The following NRG3 variants were observed in gnomAD, a reference collection of about 807,000 sequenced individuals.
The protein encoded by NRG3 is pro-neuregulin-3, membrane-bound isoform.
NRG3 carries 31 observed loss-of-function variants against 66.9 expected under a neutral mutation model. The ratio of observed to expected loss-of-function variants is 0.46; its 90% CI spans 0.35 to 0.63. The LOEUF is 0.63. NRG3 is among the 20% of genes least tolerant of loss of function. The pLI, the probability that NRG3 is intolerant of heterozygous loss-of-function variation, is 0.00. For missense variants in NRG3, 910 were observed against 878.9 expected (o/e 1.04, Z -0.45); for synonymous variants, 393 against 359.4 (o/e 1.09, Z -1.06).
rs145348736 is a variant in NRG3 at position 82,445,037 on chromosome 10, C to T, written c.953+86169C>T. 4.5e-3 allele frequency among the ~76,000 whole-genome samples: 688 copies of T among 152,204 alleles called. 4 individuals carry two copies. The highest frequency in any genetic ancestry group is 0.016 in the African/African-American group (664 of 41,532). ...CCATGCTACAGAGACAGTTGAGATG[C>T]TAATTAATATCCTCTGTCTAACTCC... On this transcript the variant is annotated intron_variant, in intron 2 of 8. Coordinates refer to ENST00000372141, the MANE Select transcript of NRG3 (RefSeq NM_001010848.4).
chr10:82,985,062 GA>G (rs1853318123), intron 8 of NRG3, 35 bp from the exon 9 acceptor site: 2 of 1,596,614 alleles, frequency 1.3e-6, no homozygotes, highest in Admixed American at 3.4e-5. Context: ...AAGCCTGGTA[GA>G]AAGCAGAAGG....
intron 3 of NRG3, among the ~76,000 whole-genome samples, chr10:82,804,094 G>A (rs1390359996): frequency 6.6e-6 from 1 of 152,166 alleles, no homozygotes; most frequent in Non-Finnish European, 1.5e-5. Flanking sequence ...CAGTGGCACT[G>A]TGCTAGTGTC....
At chr10:82,330,427 G>A (rs2082087787) in intron 1 of NRG3, among the ~76,000 whole-genome samples, 1 of 152,090 alleles carries the variant, frequency 6.6e-6, no homozygotes, top group African/African-American at 2.4e-5. Context: ...CAGGTTAACA[G>A]ATGCTTCATA....
At chr10:82,117,632 C>T (rs1007011268) in intron 1 of NRG3, among the ~76,000 whole-genome samples, 2 of 152,008 alleles carry the variant, frequency 1.3e-5, no homozygotes, top group Admixed American at 1.3e-4. Context: ...CCATCAGAGA[C>T]CCCACCCTTT....
At chr10:82,952,676 A>C (rs1849657406) in intron 5 of NRG3, among the ~76,000 whole-genome samples, 1 of 151,836 alleles carries the variant, frequency 6.6e-6, no homozygotes, top group African/African-American at 2.4e-5. Flanking sequence ...AATTCAAGCC[A>C]ATGTGTAATT....
Position 82,952,986 on chromosome 10 carries a change from T to C in NRG3, c.1157+1415T>C, listed in dbSNP as rs1021495449. 2.6e-5 allele frequency among the ~76,000 whole-genome samples: 4 copies of C among 152,008 alleles called. 1 individual carries two copies. Among genetic ancestry groups the C allele is most frequent in the African/African-American group, 7.3e-5 (3 of 41,266 alleles). Reference sequence around the variant, plus strand: ...CCATTATTAATGCCTTACATTAGCATGGTACATTTGTCACAATTAATGGAA... The same window carrying C: ...CCATTATTAATGCCTTACATTAGCACGGTACATTTGTCACAATTAATGGAA... On this transcript the variant is annotated intron_variant, in intron 5 of 8. Transcript: ENST00000372141.
intron 1 of NRG3, among the ~76,000 whole-genome samples, chr10:81,975,978 A>G (rs902704263): frequency 1.4e-4 from 21 of 152,280 alleles, no homozygotes; most frequent in African/African-American, 4.8e-4. Flanking sequence ...GCTGGAAAGG[A>G]CAAGGAAACA....
chr10:82,819,090 G>A (rs2135558391), intron 3 of NRG3, among the ~76,000 whole-genome samples: 1 of 152,174 alleles, frequency 6.6e-6, no homozygotes, highest in Middle Eastern at 3.4e-3. Flanking sequence ...TTTGTAATTG[G>A]GATCATTCAG....
intron 1 of NRG3, among the ~76,000 whole-genome samples, chr10:82,285,503 A>T (rs1000018124): frequency 1.2e-4 from 19 of 152,220 alleles, no homozygotes; most frequent in African/African-American, 4.3e-4. Context: ...TAGTCTAATT[A>T]ATAAACTGAT....
intron 1 of NRG3, among the ~76,000 whole-genome samples, chr10:82,348,211 G>T (rs2083166065): frequency 6.6e-6 from 1 of 152,206 alleles, no homozygotes; most frequent in South Asian, 2.1e-4. Flanking sequence ...GGTACCTGTT[G>T]TTCTTTTCCA....
chr10:82,334,874 A>G (rs987861342), intron 1 of NRG3, among the ~76,000 whole-genome samples: 8 of 152,216 alleles, frequency 5.3e-5, no homozygotes, highest in Admixed American at 2.0e-4. Flanking sequence ...ACTACCAACA[A>G]ATTTACCAAA....
chr10:82,750,341 G>T (rs890164079), intron 3 of NRG3, among the ~76,000 whole-genome samples: 53 of 152,160 alleles, frequency 3.5e-4, no homozygotes, highest in African/African-American at 1.0e-3. Context: ...TTCTAATTTG[G>T]TACTACCAGC....
intron 1 of NRG3, among the ~76,000 whole-genome samples, chr10:81,880,758 T>G (rs1842107801): frequency 6.6e-6 from 1 of 152,214 alleles, no homozygotes; most frequent in African/African-American, 2.4e-5. Context: ...TAGTCATAAA[T>G]CTAAGTCTGT....
At chr10:82,940,989 C>T (rs1203933975) in intron 4 of NRG3, among the ~76,000 whole-genome samples, 2 of 152,104 alleles carry the variant, frequency 1.3e-5, no homozygotes, top group Non-Finnish European at 2.9e-5. Flanking sequence ...AAAATTCAAT[C>T]CATAACAGTG....
At chr10:81,900,162 T>G (rs1361743362) in intron 1 of NRG3, among the ~76,000 whole-genome samples, 11 of 152,164 alleles carry the variant, frequency 7.2e-5, no homozygotes, top group Admixed American at 7.2e-4. Context: ...TTGTCCAGGC[T>G]GGTCTCCAAC....
At chr10:82,944,352 A>G (rs922769787) in intron 4 of NRG3, among the ~76,000 whole-genome samples, 1 of 152,168 alleles carries the variant, frequency 6.6e-6, no homozygotes, top group Non-Finnish European at 1.5e-5. Flanking sequence ...CATAATTTTT[A>G]TAATTCTTTT....
Position 82,238,404 on chromosome 10 carries a change from A to G in NRG3, c.824-120335A>G, listed in dbSNP as rs573153836. On this transcript the variant is annotated intron_variant, in intron 1 of 8. Coordinates refer to ENST00000372141, the MANE Select transcript of NRG3 (RefSeq NM_001010848.4). ...AATCATCATCCATGAGGTGACAACT[A>G]TTATCTCAATTTTGCCAGTGGGGAA... 2.0e-5 allele frequency among the ~76,000 whole-genome samples: 3 copies of G among 152,272 alleles called. No individual in the cohort carries two copies. In the South Asian group the frequency reaches 6.2e-4, roughly 32 times the overall value.
chr10:81,962,863 GT>G (rs2059574597), intron 1 of NRG3, among the ~76,000 whole-genome samples: 2 of 152,154 alleles, frequency 1.3e-5, no homozygotes, highest in South Asian at 4.1e-4. Flanking sequence ...CAGTATGGTG[GT>G]CAGGGAAAAT....
intron 2 of NRG3, among the ~76,000 whole-genome samples, chr10:82,441,808 G>C (rs1045399612): frequency 1.3e-5 from 2 of 152,176 alleles, no homozygotes; most frequent in African/African-American, 4.8e-5. Context: ...AGCCTGCTGT[G>C]GTGACCAATC....
Sources: allele counts gnomAD v4.1 joint callset (sites outside exome capture counted in the v4.1 genomes callset), GRCh38; gene constraint gnomAD v4.1.1; transcripts MANE v1.5; gene names NCBI Gene and HGNC (gene_info 2026-07-23, HGNC 2026-07-21).